SEPTIN9: variants seen among roughly 807,000 people sequenced by gnomAD.
The protein encoded by SEPTIN9 is septin 9.
In SEPTIN9, 13 loss-of-function variants were observed where a neutral mutation model predicts 56.6. The observed-to-expected ratio is 0.23, with a 90% CI of 0.15 to 0.37. The LOEUF (loss-of-function observed/expected upper bound fraction) is 0.37, where lower values mean the gene tolerates loss of function less well. SEPTIN9 is among the 10% of genes least tolerant of loss of function. The probability of loss-of-function intolerance (pLI) is 1.00; values close to 1 mark genes in which losing one functional copy is unlikely to be tolerated. For synonymous variants in SEPTIN9, 332 were observed against 334.1 expected (o/e 0.99, Z 0.07); for missense variants, 650 against 823.1 (o/e 0.79, Z 2.57).
intron 7 of SEPTIN9, among the ~76,000 whole-genome samples, chr17:77,489,316 G>T (rs533378577): frequency 3.3e-4 from 51 of 152,338 alleles, no homozygotes; most frequent in African/African-American, 1.2e-3. Flanking sequence ...TTCCAGGGCT[G>T]GACGGGGCTG....
intron 3 of SEPTIN9, among the ~76,000 whole-genome samples, chr17:77,478,404 T>A (rs1314060039): frequency 6.6e-6 from 1 of 152,176 alleles, no homozygotes; most frequent in African/African-American, 2.4e-5. Context: ...ATGCACAGCA[T>A]CTTAAAGAGC....
chr17:77,341,152 A>G (rs1463759195), intron 2 of SEPTIN9, among the ~76,000 whole-genome samples: 2 of 152,120 alleles, frequency 1.3e-5, no homozygotes, highest in Admixed American at 6.5e-5. Flanking sequence ...TTGGCTAGCT[A>G]TTTGGCATAA....
At chr17:77,332,426 G>A (rs972912100) in intron 2 of SEPTIN9, among the ~76,000 whole-genome samples, 1 of 152,116 alleles carries the variant, frequency 6.6e-6, no homozygotes, top group Non-Finnish European at 1.5e-5. Context: ...CGCTGGTTTT[G>A]ATGCACTTAA....
intron 2 of SEPTIN9, among the ~76,000 whole-genome samples, chr17:77,398,849 G>C (rs2035811443): frequency 6.6e-6 from 1 of 152,316 alleles, no homozygotes; most frequent in South Asian, 2.1e-4. Context: ...CTTACTGAGA[G>C]CTAGTGGGCA....
In SEPTIN9 at chr17:77,451,690, A is replaced by C. The variant is rs1041287631; in HGVS notation, c.722-30454A>C. Among the ~76,000 whole-genome samples, 5 of 151,714 alleles carry C rather than the reference A, an allele frequency of 3.3e-5. No individual in the cohort carries two copies. The highest frequency in any genetic ancestry group is 9.7e-5 in the African/African-American group (4 of 41,274). Reference sequence around the variant, plus strand: ...GCCGGCAGGACCGAGCGGGGTCCCCAGGAGAGGGGTGGCGGGGAGCTCGAT... The same window carrying C: ...GCCGGCAGGACCGAGCGGGGTCCCCCGGAGAGGGGTGGCGGGGAGCTCGAT... On this transcript the variant is annotated intron_variant, in intron 3 of 11. Transcript: ENST00000427177. This position sits in a 1 kb window ranked among gnomAD's most constrained non-coding sequence, Gnocchi z 4.2.
At chr17:77,335,303 C>T (rs545661284) in intron 2 of SEPTIN9, among the ~76,000 whole-genome samples, 1,828 of 149,814 alleles carry the variant, frequency 0.012, 17 homozygotes, top group Non-Finnish European at 0.017. Context: ...AGTATATGTA[C>T]ATATATACAT....
At position 77,319,466 on chromosome 17, in the gene SEPTIN9, A is replaced by G. The variant is rs897012502; in HGVS notation, c.76+12269A>G. 4 of 815,930 alleles carry G rather than the reference A, an allele frequency of 4.9e-6. No homozygotes were observed. Among genetic ancestry groups the G allele is most frequent in the African/African-American group, 1.8e-5 (1 of 54,918 alleles). 50.5% of individuals were successfully genotyped at this position (815,930 alleles called of 1,614,324 possible). A position where few individuals can be genotyped will look rare whatever the true frequency, so the allele number is the denominator to read the frequency against. On this transcript the variant is annotated intron_variant, in intron 2 of 11. Coordinates refer to ENST00000427177, the MANE Select transcript of SEPTIN9 (RefSeq NM_001113491.2). The surrounding 1 kb of genome is among the most constrained non-coding windows in gnomAD (Gnocchi z 5.3). ...CATGCGTGTGTGGTAGGAATCTTCC[A>G]GGAAGTCCCCGTCCCGTTCGCCCTC...
chr17:77,349,505 G>A (rs921198809), intron 2 of SEPTIN9, among the ~76,000 whole-genome samples: 16 of 152,210 alleles, frequency 1.1e-4, no homozygotes, highest in African/African-American at 3.9e-4. Flanking sequence ...TAGGGTTCCA[G>A]TGTCTTTGGC....
chr17:77,460,694 G>A lies in SEPTIN9; in HGVS notation c.722-21450G>A, dbSNP rs1181727968. ...CTCTTGGTCCTGTTGAGCAGCCCTG[G>A]CCCCTGGAGCCCTCAGCAAGGGATG... On this transcript the variant is annotated intron_variant, in intron 3 of 11. Transcript: ENST00000427177. Among the ~76,000 whole-genome samples the A allele has an allele frequency of 2.6e-5, 4 of 152,252 alleles. No individual in the cohort carries two copies. The East Asian group carries it at 7.8e-4, about 30-fold the overall frequency.
intron 2 of SEPTIN9, among the ~76,000 whole-genome samples, chr17:77,388,272 G>A (rs972767661): frequency 1.3e-5 from 2 of 152,152 alleles, no homozygotes; most frequent in Non-Finnish European, 2.9e-5. Flanking sequence ...TGGGCTGTTT[G>A]GGGCAGCCAG....
chr17:77,491,990 G>C (rs2040051925), intron 8 of SEPTIN9, among the ~76,000 whole-genome samples: 1 of 151,936 alleles, frequency 6.6e-6, no homozygotes, highest in African/African-American at 2.4e-5. Flanking sequence ...ATGAAACCGA[G>C]GTGCCTGGGC....
chr17:77,470,034 C>T (rs868290723), intron 3 of SEPTIN9, among the ~76,000 whole-genome samples: 4 of 149,852 alleles, frequency 2.7e-5, no homozygotes, highest in Non-Finnish European at 1.5e-5. Context: ...CACCTATCCA[C>T]TCATTCACTC....
chr17:77,476,009 C>G lies in SEPTIN9; in HGVS notation c.722-6135C>G, dbSNP rs746746212. 4 of 1,253,960 alleles carry G rather than the reference C, an allele frequency of 3.2e-6. No individual in the cohort carries two copies. In the African/African-American group the frequency reaches 4.5e-5, roughly 14 times the overall value. 77.7% of individuals were successfully genotyped at this position (1,253,960 alleles called of 1,614,324 possible). On this transcript the variant is annotated intron_variant, in intron 3 of 11. Transcript: ENST00000427177. The surrounding 1 kb of genome is among the most constrained non-coding windows in gnomAD (Gnocchi z 6.0). ...TTGACTTGACCCTGAGCACTTTGTC[C>G]TGGGGTGCAGGCCCGGCTGTCACTC...
chr17:77,488,122 G>A (rs568470459), intron 5 of SEPTIN9, 118 bp from the exon 6 acceptor site: 38 of 887,432 alleles, frequency 4.3e-5, no homozygotes, highest in Admixed American at 4.1e-4. Flanking sequence ...TTAATTTCCC[G>A]GTGTCTCCTT....
At chr17:77,373,188 C>A (rs953017309) in intron 2 of SEPTIN9, 6 of 1,077,834 alleles carry the variant, frequency 5.6e-6, no homozygotes, top group Non-Finnish European at 6.8e-6. Flanking sequence ...CGGGCCCCAG[C>A]CCCCCAGGCC....
At position 77,451,502 on chromosome 17, in the gene SEPTIN9, A is replaced by G; in HGVS notation, c.722-30642A>G. 1.0e-6 allele frequency: 1 copy of G among 985,810 alleles called. No individual in the cohort carries two copies. Among genetic ancestry groups the G allele is most frequent in the East Asian group, 1.1e-4 (1 of 8,812 alleles). The allele number at this position is 985,810 out of a possible 1,614,324, so 61.1% of individuals were successfully genotyped here. A position where few individuals can be genotyped will look rare whatever the true frequency, so the allele number is the denominator to read the frequency against. ...GCGGGCCGCGGCTCTCGGCGCGTCCAGCGCAGCCCGACGTTCCGCTGCTGG... is the reference window on the plus strand; with the variant it reads ...GCGGGCCGCGGCTCTCGGCGCGTCCGGCGCAGCCCGACGTTCCGCTGCTGG... On this transcript the variant is annotated intron_variant, in intron 3 of 11. Transcript: ENST00000427177. This position sits in a 1 kb window ranked among gnomAD's most constrained non-coding sequence, Gnocchi z 4.2.
At chr17:77,298,650 G>T (rs1366719837) in intron 1 of SEPTIN9, among the ~76,000 whole-genome samples, 1 of 152,156 alleles carries the variant, frequency 6.6e-6, no homozygotes, top group African/African-American at 2.4e-5. Context: ...TGGGGCTCAG[G>T]ATGCCCCAAG....
chr17:77,326,947 C>T lies in SEPTIN9; in HGVS notation c.76+19750C>T, dbSNP rs1435947420. On this transcript the variant is annotated intron_variant, in intron 2 of 11. Coordinates refer to ENST00000427177, the MANE Select transcript of SEPTIN9 (RefSeq NM_001113491.2). This position sits in a 1 kb window ranked among gnomAD's most constrained non-coding sequence, Gnocchi z 5.1. The stretch of plus-strand genomic sequence containing the variant: ...TGGAGGCTCCTGGAGGGTGGAGCGC[C>T]TGGGGAGCACATGGAAGCTCTGCGT... Among the ~76,000 whole-genome samples, 2 of 152,108 alleles carry T rather than the reference C, an allele frequency of 1.3e-5. No individual in the cohort carries two copies. Among genetic ancestry groups the T allele is most frequent in the Admixed American group, 6.5e-5 (1 of 15,280 alleles).
chr17:77,480,088 G>T (rs899178966), intron 3 of SEPTIN9, among the ~76,000 whole-genome samples: 1 of 152,184 alleles, frequency 6.6e-6, no homozygotes, highest in Non-Finnish European at 1.5e-5. Flanking sequence ...CCACGTGGGG[G>T]CACAGAGAGA....
Sources: allele counts gnomAD v4.1 joint callset (sites outside exome capture counted in the v4.1 genomes callset), GRCh38; gene constraint gnomAD v4.1.1; non-coding constraint Gnocchi (gnomAD v3.1); transcripts MANE v1.5; gene names NCBI Gene and HGNC (gene_info 2026-07-23, HGNC 2026-07-21).